Variants in MSI2 observed in about 807,000 individuals in gnomAD.
The protein encoded by MSI2 is RNA-binding protein Musashi homolog 2.
A neutral mutation model predicts 45.6 loss-of-function variants in MSI2; 17 were observed. The observed-to-expected ratio is 0.37, with a 90% CI of 0.26 to 0.56. The LOEUF is 0.56. Ranked by LOEUF, MSI2 falls within the 20% of genes least tolerant of loss-of-function variation. The pLI, the probability that MSI2 is intolerant of heterozygous loss-of-function variation, is 0.77. For synonymous variants in MSI2, 156 were observed against 158.2 expected (o/e 0.99, Z 0.11); for missense variants, 293 against 444.2 (o/e 0.66, Z 3.06).
intron 10 of MSI2, among the ~76,000 whole-genome samples, chr17:57,646,738 G>A (rs947394723): frequency 6.6e-6 from 1 of 152,154 alleles, no homozygotes; most frequent in Non-Finnish European, 1.5e-5. Flanking sequence ...CGAGTCTGAC[G>A]CCCATTAAAC....
At position 57,467,820 on chromosome 17, in the gene MSI2, A is replaced by G. The variant is rs543286717; in HGVS notation, c.406-61856A>G. 3.3e-5 allele frequency among the ~76,000 whole-genome samples: 5 copies of G among 151,288 alleles called. No individual in the cohort carries two copies. The South Asian group carries it at 1.1e-3, about 32-fold the overall frequency. Reference sequence around the variant, plus strand: ...CATTCTCATAGCACCCTTTCTCTTTAAAAGCATAGGGTTGCACGTATATGG... The same window carrying G: ...CATTCTCATAGCACCCTTTCTCTTTGAAAGCATAGGGTTGCACGTATATGG... On this transcript the variant is annotated intron_variant, in intron 6 of 13. Transcript: ENST00000284073.
chr17:57,302,053 T>C (rs985439637), intron 5 of MSI2, among the ~76,000 whole-genome samples: 1 of 152,250 alleles, frequency 6.6e-6, no homozygotes, highest in Non-Finnish European at 1.5e-5. Context: ...TGTGGTTTTA[T>C]CTAGCATTTC....
chr17:57,382,139 C>A (rs1471398145), intron 5 of MSI2, among the ~76,000 whole-genome samples: 2 of 152,172 alleles, frequency 1.3e-5, no homozygotes, highest in Non-Finnish European at 2.9e-5. Flanking sequence ...TTAGGATGGT[C>A]ATTCATTCAT....
At chr17:57,563,262 C>G (rs572490466) in intron 7 of MSI2, among the ~76,000 whole-genome samples, 2 of 152,102 alleles carry the variant, frequency 1.3e-5, no homozygotes, top group Non-Finnish European at 2.9e-5. Flanking sequence ...CCTACCCCAT[C>G]CACGTGGACC....
intron 5 of MSI2, among the ~76,000 whole-genome samples, chr17:57,358,612 A>G (rs1448629639): frequency 1.3e-5 from 2 of 152,178 alleles, no homozygotes; most frequent in Non-Finnish European, 2.9e-5. Context: ...GAGGTTTGTT[A>G]GATCAAAGCT....
At chr17:57,597,546 A>G (rs1905375233) in intron 8 of MSI2, among the ~76,000 whole-genome samples, 1 of 151,110 alleles carries the variant, frequency 6.6e-6, no homozygotes, top group South Asian at 2.1e-4. Flanking sequence ...GGATCACCTG[A>G]CCCCAGGAGG....
chr17:57,305,703 G>A (rs1439094640), intron 5 of MSI2, among the ~76,000 whole-genome samples: 1 of 152,178 alleles, frequency 6.6e-6, no homozygotes, highest in African/African-American at 2.4e-5. Context: ...CTGACACACA[G>A]AATAAAATCG....
intron 7 of MSI2, among the ~76,000 whole-genome samples, chr17:57,555,889 C>T (rs914602870): frequency 1.3e-5 from 2 of 152,216 alleles, no homozygotes; most frequent in Non-Finnish European, 2.9e-5. Flanking sequence ...GCATCCTCCT[C>T]TCCCTACAGC....
chr17:57,689,949 C>T, the MSI2 span, among the ~76,000 whole-genome samples: 1 of 152,174 alleles, frequency 6.6e-6, no homozygotes, highest in Non-Finnish European at 1.5e-5. Flanking sequence ...CCACTATAAA[C>T]ATTCATGGAC....
intron 6 of MSI2, among the ~76,000 whole-genome samples, chr17:57,410,450 A>G (rs2084174077): frequency 6.6e-6 from 1 of 151,990 alleles, no homozygotes; most frequent in Admixed American, 6.6e-5. Flanking sequence ...GGTCAGACAG[A>G]CCCACAGTCT....
At chr17:57,417,818 ATAACT>A (rs1304172495) in intron 6 of MSI2, among the ~76,000 whole-genome samples, 1 of 152,250 alleles carries the variant, frequency 6.6e-6, no homozygotes, top group African/African-American at 2.4e-5. Flanking sequence ...TGCTAAACCC[ATAACT>A]TAACCACTGG....
Position 57,285,310 on chromosome 17 carries a change from G to T in MSI2, c.312+23118G>T, listed in dbSNP as rs115809929. On this transcript the variant is annotated intron_variant, in intron 5 of 13. Coordinates refer to ENST00000284073, the MANE Select transcript of MSI2 (RefSeq NM_138962.4). ...GAAAGCCTTTTTGTTTTCTTTTGCC[G>T]ACTTCTTCCAATAGCTTAGAGCAAA... 4.7e-3 allele frequency among the ~76,000 whole-genome samples: 710 copies of T among 152,152 alleles called. 4 individuals are homozygous for T. Among genetic ancestry groups the T allele is most frequent in the African/African-American group, 0.016 (680 of 41,510 alleles).
chr17:57,414,121 C>G (rs2084248946), intron 6 of MSI2, among the ~76,000 whole-genome samples: 2 of 149,840 alleles, frequency 1.3e-5, no homozygotes, highest in African/African-American at 5.1e-5. Context: ...GGAAAGAAAC[C>G]AGGAGCTGAG....
chr17:57,592,621 A>G (rs1445634397), intron 7 of MSI2, among the ~76,000 whole-genome samples: 1 of 152,222 alleles, frequency 6.6e-6, no homozygotes, highest in African/African-American at 2.4e-5. Flanking sequence ...TCCAGGGTAC[A>G]TAGGCTTGAA....
intron 7 of MSI2, among the ~76,000 whole-genome samples, chr17:57,558,013 G>C (rs1014985166): frequency 2.6e-5 from 4 of 152,142 alleles, no homozygotes; most frequent in African/African-American, 9.7e-5. Context: ...ATTTTGTCAA[G>C]AAGAATGAGG....
chr17:57,388,388 G>A (rs984161933), intron 5 of MSI2, among the ~76,000 whole-genome samples: 6 of 152,186 alleles, frequency 3.9e-5, no homozygotes, highest in Non-Finnish European at 7.3e-5. Context: ...AGACCACTGC[G>A]CTCAGGGTGC....
At chr17:57,546,278 C>G (rs1482315083) in intron 7 of MSI2, among the ~76,000 whole-genome samples, 1 of 152,200 alleles carries the variant, frequency 6.6e-6, no homozygotes, top group Non-Finnish European at 1.5e-5. Flanking sequence ...GACATTCAAT[C>G]AAAATGCTAA....
intron 6 of MSI2, chr17:57,450,298 A>AGAAAGAAAGAAAGAAAGAAG (rs2084986930): frequency 1.4e-4 from 19 of 135,354 alleles, no homozygotes; most frequent in South Asian, 3.1e-4. Flanking sequence ...AAAGAAAGAA[A>AGAAAGAAAGAAAGAAAGAAG]GAAAGAAAGA....
chr17:57,391,085 G>A (rs11652255), intron 5 of MSI2, among the ~76,000 whole-genome samples: 8,956 of 152,246 alleles, frequency 0.059, 337 homozygotes, highest in Non-Finnish European at 0.09. Context: ...AGCAATTTGG[G>A]AGCTCTGAGC....
Sources: allele counts gnomAD v4.1 joint callset (sites outside exome capture counted in the v4.1 genomes callset), GRCh38; gene constraint gnomAD v4.1.1; transcripts MANE v1.5; gene names NCBI Gene and HGNC (gene_info 2026-07-23, HGNC 2026-07-21).